The following TENM2 variants were observed in gnomAD, a reference collection of about 807,000 sequenced individuals.
The protein encoded by TENM2 is teneurin transmembrane protein 2, also known as teneurin-2.
Under a neutral mutation model 245.2 loss-of-function variants are expected in TENM2, and 52 were observed. The observed-to-expected ratio is 0.21, with a 90% CI of 0.17 to 0.27. The LOEUF (loss-of-function observed/expected upper bound fraction) is 0.27, where lower values mean the gene tolerates loss of function less well. Among genes scored for constraint, TENM2 ranks in the 10% least tolerant of loss-of-function variants. The pLI, the probability that TENM2 is intolerant of heterozygous loss-of-function variation, is 1.00. For synonymous variants in TENM2, 1,363 were observed against 1,438.9 expected, an observed-to-expected ratio of 0.95 and a Z score of 1.19; for missense variants, 3,046 against 3,666.8, an observed-to-expected ratio of 0.83 and a Z score of 4.37.
chr5:167,072,350 G>T, the TENM2 span, among the ~76,000 whole-genome samples: 1 of 152,168 alleles, frequency 6.6e-6, no homozygotes, highest in South Asian at 2.1e-4. Flanking sequence ...GAGGAACTTA[G>T]TGAGTCACTT....
At chr5:167,030,262 G>A in the TENM2 span, among the ~76,000 whole-genome samples, 1 of 152,174 alleles carries the variant, frequency 6.6e-6, no homozygotes, top group African/African-American at 2.4e-5. Context: ...GATATGTGGA[G>A]TTTTTGTTTC....
intron 14 of TENM2, among the ~76,000 whole-genome samples, chr5:168,191,414 C>T (rs369004540): frequency 1.3e-5 from 2 of 152,204 alleles, no homozygotes; most frequent in South Asian, 4.2e-4. Flanking sequence ...CTTGATCTTC[C>T]TCTCAGTTGG....
chr5:168,119,100 G>A (rs1396008156), intron 10 of TENM2, among the ~76,000 whole-genome samples: 2 of 152,124 alleles, frequency 1.3e-5, no homozygotes, highest in East Asian at 3.8e-4. Context: ...GGTTTTTTAT[G>A]TCATTTAGAA....
chr5:167,333,058 C>T (rs1474400658), intron 1 of TENM2, among the ~76,000 whole-genome samples: 1 of 152,072 alleles, frequency 6.6e-6, no homozygotes, highest in African/African-American at 2.4e-5. Flanking sequence ...AGTGCGTGGA[C>T]TGGAAATTTC....
chr5:167,880,231 C>A (rs899113828), intron 3 of TENM2, among the ~76,000 whole-genome samples: 4 of 152,004 alleles, frequency 2.6e-5, no homozygotes, highest in African/African-American at 9.7e-5. Context: ...TGGGGTTTCA[C>A]CATGTTGGCC....
intron 2 of TENM2, among the ~76,000 whole-genome samples, chr5:167,731,877 A>T (rs891728480): frequency 6.6e-6 from 1 of 152,182 alleles, no homozygotes; most frequent in Non-Finnish European, 1.5e-5. Context: ...TATTTCTTAA[A>T]TGAATAGATG....
intron 2 of TENM2, among the ~76,000 whole-genome samples, chr5:167,571,350 C>G (rs551293652): frequency 6.6e-6 from 1 of 152,174 alleles, no homozygotes; most frequent in South Asian, 2.1e-4. Flanking sequence ...GGCAGGGTAA[C>G]CTGGTTCCAA....
At chr5:167,534,660 A>G (rs900630681) in intron 2 of TENM2, among the ~76,000 whole-genome samples, 9 of 152,208 alleles carry the variant, frequency 5.9e-5, no homozygotes, top group Non-Finnish European at 1.3e-4. Context: ...TGGAGTGACA[A>G]GATAAAATAA....
At chr5:167,442,020 G>T (rs1764906645) in intron 2 of TENM2, among the ~76,000 whole-genome samples, 1 of 152,242 alleles carries the variant, frequency 6.6e-6, no homozygotes, top group East Asian at 1.9e-4. Flanking sequence ...GAAAAGAAGA[G>T]AAATTTTAAA....
At chr5:167,462,980 C>A (rs1766414332) in intron 2 of TENM2, among the ~76,000 whole-genome samples, 1 of 151,934 alleles carries the variant, frequency 6.6e-6, no homozygotes, top group African/African-American at 2.4e-5. Flanking sequence ...CTTCAATGAG[C>A]CAAAAGCATA....
chr5:167,382,653 G>A (rs562403806), intron 2 of TENM2, among the ~76,000 whole-genome samples: 1 of 152,176 alleles, frequency 6.6e-6, no homozygotes, highest in African/African-American at 2.4e-5. Context: ...GATAACCTAT[G>A]CAGAGTTATA....
intron 2 of TENM2, among the ~76,000 whole-genome samples, chr5:167,859,566 A>G (rs1282676656): frequency 2.1e-4 from 17 of 81,968 alleles, no homozygotes; most frequent in Admixed American, 4.2e-4. Flanking sequence ...TGGGGGGGTC[A>G]GCCCCCCGCC....
chr5:168,102,445 G>A (rs888823619), intron 9 of TENM2, among the ~76,000 whole-genome samples: 12 of 152,120 alleles, frequency 7.9e-5, no homozygotes, highest in South Asian at 2.1e-4. Flanking sequence ...AAATGTTAGC[G>A]CCCCCATTAA....
At chr5:167,102,747 C>T in the TENM2 span, among the ~76,000 whole-genome samples, 3 of 152,254 alleles carry the variant, frequency 2.0e-5, no homozygotes, top group East Asian at 5.8e-4. Flanking sequence ...CAACCTCCGC[C>T]TCCCAGGTTC....
chr5:167,804,903 C>A (rs147796647), intron 2 of TENM2, among the ~76,000 whole-genome samples: 7 of 152,208 alleles, frequency 4.6e-5, no homozygotes, highest in African/African-American at 1.7e-4. Context: ...CAATTTAAGG[C>A]AAGAATGCTT....
the TENM2 span, among the ~76,000 whole-genome samples, chr5:167,094,796 TAA>T: frequency 6.6e-6 from 1 of 152,218 alleles, no homozygotes; most frequent in Non-Finnish European, 1.5e-5. Flanking sequence ...TAAAATTTGA[TAA>T]GTTAGTGGAT....
At chr5:168,224,357 C>G (rs1369085300) in intron 23 of TENM2, among the ~76,000 whole-genome samples, 1 of 152,188 alleles carries the variant, frequency 6.6e-6, no homozygotes, top group Admixed American at 6.5e-5. Flanking sequence ...CCTCTCTCCC[C>G]CAACACCTTT....
chr5:167,253,646 A>G, the TENM2 span, among the ~76,000 whole-genome samples: 1 of 152,174 alleles, frequency 6.6e-6, no homozygotes, highest in East Asian at 1.9e-4. Flanking sequence ...ATGTTTTAGC[A>G]TCTATAAAGA....
the TENM2 span, among the ~76,000 whole-genome samples, chr5:167,238,709 A>AG: frequency 1.3e-5 from 2 of 151,858 alleles, no homozygotes; most frequent in African/African-American, 4.8e-5. Context: ...AAAAAAAAAA[A>AG]AAAAGCAAAT....
Sources: gnomAD v4.1 joint callset for allele counts (sites outside exome capture counted in the v4.1 genomes callset) on GRCh38, gnomAD v4.1.1 for gene constraint, MANE v1.5 for transcripts, NCBI Gene and HGNC (gene_info 2026-07-23, HGNC 2026-07-21) for gene names.